Variants in AFG2A observed in about 807,000 individuals in gnomAD.
AFG2A encodes the protein AAA ATPase AFG2A.
chr4:123,283,358 AAG>A, the AFG2A span, among the ~76,000 whole-genome samples: 75,552 of 148,956 alleles, frequency 0.51, 21,441 homozygotes, highest in Admixed American at 0.63. Context: ...GGAAAAAAAA[AAG>A]AGAGAGAGAG....
At chr4:122,938,366 T>G in the AFG2A span, 15 of 1,175,108 alleles carry the variant, frequency 1.3e-5, no homozygotes, top group South Asian at 3.2e-5. Context: ...AGGAAAAATA[T>G]TAGCCATAGC....
At chr4:123,057,332 G>A in the AFG2A span, 1 of 1,531,654 alleles carries the variant, frequency 6.5e-7, no homozygotes, top group Non-Finnish European at 9.0e-7. Flanking sequence ...ATAATATGAT[G>A]TTACATAATA....
chr4:123,074,439 C>CT, the AFG2A span, among the ~76,000 whole-genome samples: 2 of 15,394 alleles, frequency 1.3e-4, no homozygotes, highest in African/African-American at 4.8e-4. Context: ...TGTTTCCATT[C>CT]TTTTTTTCTT....
At chr4:123,016,158 A>T in the AFG2A span, among the ~76,000 whole-genome samples, 2 of 10,174 alleles carry the variant, frequency 2.0e-4, no homozygotes, top group African/African-American at 9.6e-4. Flanking sequence ...TGGCCGGGCG[A>T]GGGGCTGACC....
chr4:123,052,079 A>G, the AFG2A span, among the ~76,000 whole-genome samples: 1 of 152,010 alleles, frequency 6.6e-6, no homozygotes, highest in African/African-American at 2.4e-5. Flanking sequence ...AGTAACCTGA[A>G]TATTTGTTCT....
the AFG2A span, among the ~76,000 whole-genome samples, chr4:123,001,133 G>C: frequency 1.4e-5 from 2 of 146,042 alleles, no homozygotes; most frequent in Non-Finnish European, 1.5e-5. Context: ...TTGTATTTCT[G>C]TGGGATCGGT....
the AFG2A span, among the ~76,000 whole-genome samples, chr4:123,169,771 G>A: frequency 3.3e-5 from 5 of 152,126 alleles, no homozygotes; most frequent in African/African-American, 1.2e-4. Context: ...GTGAGCCACC[G>A]CGCCCGGCCT....
chr4:123,002,152 G>T, the AFG2A span, among the ~76,000 whole-genome samples: 18 of 151,978 alleles, frequency 1.2e-4, no homozygotes, highest in Middle Eastern at 3.4e-3. Flanking sequence ...TTTTCCATTT[G>T]CTTGGTAGAT....
the AFG2A span, chr4:122,947,153 C>G: frequency 2.2e-6 from 3 of 1,376,060 alleles, no homozygotes; most frequent in South Asian, 4.7e-5. Flanking sequence ...TCATCCTTGT[C>G]TATACAGCCA....
chr4:123,278,501 G>A, the AFG2A span, among the ~76,000 whole-genome samples: 492 of 152,162 alleles, frequency 3.2e-3, 5 homozygotes, highest in African/African-American at 0.011. Flanking sequence ...CAACCTTTGG[G>A]ATTTGTTTGC....
chr4:123,102,499 A>G, the AFG2A span, among the ~76,000 whole-genome samples: 6 of 152,070 alleles, frequency 3.9e-5, no homozygotes, highest in South Asian at 2.1e-4. Context: ...TCTATTTAAT[A>G]TACTTTTAAC....
the AFG2A span, among the ~76,000 whole-genome samples, chr4:123,099,368 T>C: frequency 6.6e-6 from 1 of 152,074 alleles, no homozygotes; most frequent in Non-Finnish European, 1.5e-5. Context: ...GTAATCCCAT[T>C]AGTCTATTTT....
chr4:122,993,371 G>A, the AFG2A span, among the ~76,000 whole-genome samples: 7 of 152,040 alleles, frequency 4.6e-5, no homozygotes, highest in African/African-American at 1.7e-4. Context: ...AAATTATGTA[G>A]TAAACATTTT....
chr4:123,059,416 T>C, the AFG2A span, among the ~76,000 whole-genome samples: 1 of 151,296 alleles, frequency 6.6e-6, no homozygotes, highest in Admixed American at 6.6e-5. Flanking sequence ...TGGTTTTTTG[T>C]TCTTGAGATA....
At chr4:122,961,537 G>A in the AFG2A span, among the ~76,000 whole-genome samples, 12 of 152,240 alleles carry the variant, frequency 7.9e-5, no homozygotes, top group East Asian at 2.1e-3. Context: ...GGAGTCTTAC[G>A]CTTTTTGCCC....
At chr4:123,184,524 G>T in the AFG2A span, among the ~76,000 whole-genome samples, 15 of 123,324 alleles carry the variant, frequency 1.2e-4, no homozygotes, top group African/African-American at 3.9e-4. Context: ...GGTCCAGCAT[G>T]ATCATTTCTT....
the AFG2A span, among the ~76,000 whole-genome samples, chr4:123,307,480 G>GT: frequency 2.0e-5 from 3 of 152,106 alleles, no homozygotes; most frequent in African/African-American, 4.8e-5. Context: ...AAATTGAAGG[G>GT]TTTTTTCCCT....
the AFG2A span, among the ~76,000 whole-genome samples, chr4:123,097,017 T>C: frequency 6.6e-6 from 1 of 152,080 alleles, no homozygotes; most frequent in Admixed American, 6.6e-5. Context: ...CAGGCTGAAG[T>C]GCAGTGTCTA....
the AFG2A span, among the ~76,000 whole-genome samples, chr4:123,224,292 T>C: frequency 6.6e-6 from 1 of 152,184 alleles, no homozygotes; most frequent in Non-Finnish European, 1.5e-5. Context: ...ACATGTGCCA[T>C]GTTGGTGTGC....
Sources: gnomAD v4.1 joint callset for allele counts (sites outside exome capture counted in the v4.1 genomes callset) on GRCh38, gnomAD v4.1.1 for gene constraint, MANE v1.5 for transcripts, NCBI Gene and HGNC (gene_info 2026-07-23, HGNC 2026-07-21) for gene names.